CFAP99: variants seen among roughly 807,000 people sequenced by gnomAD.
CFAP99 encodes the protein cilia- and flagella-associated protein 99.
In CFAP99, 84 loss-of-function variants were observed where a neutral mutation model predicts 82.7. The observed-to-expected ratio is 1.02, with a 90% CI of 0.85 to 1.22. The LOEUF (loss-of-function observed/expected upper bound fraction) is 1.22, where lower values mean the gene tolerates loss of function less well. Among genes scored for constraint, CFAP99 ranks in the 50% most tolerant of loss-of-function variants. The probability of loss-of-function intolerance (pLI) is 0.00; values close to 1 mark genes in which losing one functional copy is unlikely to be tolerated. For missense variants in CFAP99, 1,059 were observed against 983.5 expected (o/e 1.08, Z -1.03); for synonymous variants, 456 against 429.5 (o/e 1.06, Z -0.76).
At chr4:2,427,036 C>T (rs1367507461) in intron 2 of CFAP99, 2 of 189,598 alleles carry the variant, frequency 1.1e-5, no homozygotes, top group Non-Finnish European at 2.2e-5. Context: ...ACTGGGTCTC[C>T]GACAGAGGCA....
intron 4 of CFAP99, among the ~76,000 whole-genome samples, chr4:2,438,387 C>T (rs149958123): frequency 4.6e-5 from 7 of 152,138 alleles, no homozygotes; most frequent in African/African-American, 7.2e-5. Flanking sequence ...CTCAGCCTCC[C>T]GAGTAGCTGG....
chr4:2,436,565 G>A (rs2108718817), intron 2 of CFAP99, among the ~76,000 whole-genome samples: 1 of 152,310 alleles, frequency 6.6e-6, no homozygotes, highest in South Asian at 2.1e-4. Context: ...TCTCTGCTCT[G>A]CCTGGATGCG....
chr4:2,443,334 C>T (rs1734094953), intron 5 of CFAP99, 92 bp downstream of exon 5: 1 of 755,650 alleles, frequency 1.3e-6, no homozygotes, highest in East Asian at 2.7e-5. Context: ...CGTTCCCCTT[C>T]CTGCTCCCAG....
intron 5 of CFAP99, among the ~76,000 whole-genome samples, chr4:2,443,742 G>T (rs558240813): frequency 9.1e-4 from 139 of 152,292 alleles, no homozygotes; most frequent in African/African-American, 3.0e-3. Flanking sequence ...ATCTCTCGGG[G>T]TCCCCAAGCC....
Position 2,452,339 on chromosome 4 carries a change from AG to A in CFAP99, c.1156del (p.Glu386SerfsTer6). The A allele has an allele frequency of 6.5e-7, 1 of 1,534,318 alleles. No individual in the cohort carries two copies. The highest frequency in any genetic ancestry group is 1.4e-5 in the African/African-American group (1 of 73,048). ...AACAAGCAGAGGGTGGAGCAGCAGA[AG>A]GAGCAGGTGGGTGCCATGCAGGGCA... On this transcript the variant is annotated frameshift_variant, in exon 11 of 15. Coordinates refer to ENST00000635017, the Ensembl canonical transcript of CFAP99. LOFTEE classifies it high-confidence loss of function.
At chr4:2,460,066 G>T in exon 14 of CFAP99, 1 of 1,536,040 alleles carries the variant, frequency 6.5e-7, no homozygotes, top group Non-Finnish European at 8.7e-7. Flanking sequence ...AAGGAGAGAT[G>T]TCCATAGTGG....
In CFAP99 at chr4:2,421,559, G is replaced by A. The variant is rs182038148; in HGVS notation, c.-18+2466G>A. ...AGTAGAGATGGGTTTTCACCATGTT[G>A]ACTGGTCTGGAACTCCTGATCTCAA... On this transcript the variant is annotated intron_variant, in intron 1 of 14. Transcript: ENST00000635017. Among the ~76,000 whole-genome samples, 674 of 152,024 alleles carry A rather than the reference G, an allele frequency of 4.4e-3. 3 individuals are homozygous for A. Among genetic ancestry groups the A allele is most frequent in the Middle Eastern group, 0.024 (7 of 294 alleles).
intron 5 of CFAP99, among the ~76,000 whole-genome samples, chr4:2,443,717 TTCTGGGGTCTAGATATC>T (rs1336342373): frequency 6.6e-6 from 1 of 152,100 alleles, no homozygotes; most frequent in Admixed American, 6.5e-5. Context: ...TCCTGGTGGA[TTCTGGGGTCTAGATATC>T]TCTCGGGGTC....
chr4:2,452,101 G>A lies in CFAP99; in HGVS notation c.957-41G>A, dbSNP rs183315588. ...GTGACCACCCAGCAGCCTCTGTCAC[G>A]GGAGAAACCCCAAGCTGTGCTTCTG... On this transcript the variant is annotated intron_variant, in intron 10 of 14. Coordinates refer to ENST00000635017, the Ensembl canonical transcript of CFAP99. 3,570 of 1,528,680 alleles carry A rather than the reference G, an allele frequency of 2.3e-3. 10 individuals carry two copies. The highest frequency in any genetic ancestry group is 2.8e-3 in the Non-Finnish European group (3,244 of 1,140,512). 94.7% of individuals were successfully genotyped at this position (1,528,680 alleles called of 1,614,324 possible).
At chr4:2,457,998 C>T (rs570265655) in intron 11 of CFAP99, among the ~76,000 whole-genome samples, 35 of 152,310 alleles carry the variant, frequency 2.3e-4, no homozygotes, top group African/African-American at 8.4e-4. Flanking sequence ...TACTCCCAAG[C>T]GGGAGCCTTT....
intron 4 of CFAP99, among the ~76,000 whole-genome samples, chr4:2,438,660 C>CT (rs1179241227): frequency 1.3e-5 from 2 of 152,102 alleles, no homozygotes; most frequent in Non-Finnish European, 2.9e-5. Context: ...GTCCCACCTG[C>CT]TTGGGAGGCT....
intron 11 of CFAP99, among the ~76,000 whole-genome samples, chr4:2,455,754 G>A (rs376944972): frequency 1.3e-5 from 2 of 152,222 alleles, no homozygotes; most frequent in African/African-American, 4.8e-5. Flanking sequence ...CTTCTCTACT[G>A]GTCTAAGGAT....
intron 8 of CFAP99, 194 bp downstream of exon 8, chr4:2,450,199 G>A (rs896016756): frequency 1.3e-4 from 82 of 619,044 alleles, no homozygotes; most frequent in Middle Eastern, 7.7e-4. Flanking sequence ...GCAGGCGGGT[G>A]TAGACGCGCA....
chr4:2,455,328 TTA>T (rs1210444249), intron 11 of CFAP99, among the ~76,000 whole-genome samples: 1 of 152,270 alleles, frequency 6.6e-6, no homozygotes, highest in East Asian at 1.9e-4. Flanking sequence ...AATATTCTTT[TTA>T]TGTCTTCAAA....
At position 2,446,762 on chromosome 4, in the gene CFAP99, A is replaced by C. The variant is rs1280088129; in HGVS notation, c.642+1454A>C. Among the ~76,000 whole-genome samples, 1 of 152,172 alleles carries C rather than the reference A, an allele frequency of 6.6e-6. No homozygotes were observed. The highest frequency in any genetic ancestry group is 2.4e-5 in the African/African-American group (1 of 41,438). ...CAGAACCTCAGTAAATACCAGTTGG[A>C]TGGATGGATGGGTGGATGGATTATC... On this transcript the variant is annotated intron_variant, in intron 6 of 14. Coordinates refer to ENST00000635017, the Ensembl canonical transcript of CFAP99. This position sits in a 1 kb window ranked among gnomAD's most constrained non-coding sequence, Gnocchi z 5.0.
rs1734657339 is a variant in CFAP99, at chr4:2,462,762, G to A, written c.1981G>A (p.Gly661Ser). The change falls in exon 15 of 15, where the codon GGC (glycine) becomes AGC (serine). Residue 661 changes from glycine to serine, a missense_variant. Transcript: ENST00000635017. This position sits in a 1 kb window ranked among gnomAD's most constrained non-coding sequence, Gnocchi z 4.1. ...GAGATACGCAGCGGCGGGCGCGGGA[G>A]GCGGTGGGGGCGTCCCTGCCCGCGC... The A allele has an allele frequency of 1.6e-6, 2 of 1,247,816 alleles. No homozygotes were observed. Among genetic ancestry groups the A allele is most frequent in the Non-Finnish European group, 2.0e-6 (2 of 993,240 alleles). The allele number at this position is 1,247,816 out of a possible 1,614,324, so 77.3% of individuals were successfully genotyped here. A position where few individuals can be genotyped will look rare whatever the true frequency, so the allele number is the denominator to read the frequency against.
In CFAP99 at chr4:2,459,100, C is replaced by T; in HGVS notation, c.1304-7C>T. Reference sequence around the variant, plus strand: ...CAGCCACCTCAGCTCCTGGCTTGGCCCCCAAGTTCAGGAGGCGATCGAGGA... The same window carrying T: ...CAGCCACCTCAGCTCCTGGCTTGGCTCCCAAGTTCAGGAGGCGATCGAGGA... On this transcript the variant is annotated splice_polypyrimidine_tract_variant and splice_region_variant and intron_variant, in intron 12 of 14. Transcript: ENST00000635017. 6.6e-7 allele frequency: 1 copy of T among 1,505,128 alleles called. No homozygotes were observed. Among genetic ancestry groups the T allele is most frequent in the Non-Finnish European group, 8.9e-7 (1 of 1,129,860 alleles). The allele number at this position is 1,505,128 out of a possible 1,614,324, so 93.2% of individuals were successfully genotyped here. A position where few individuals can be genotyped will look rare whatever the true frequency, so the allele number is the denominator to read the frequency against.
intron 2 of CFAP99, among the ~76,000 whole-genome samples, chr4:2,436,228 T>C (rs1472840463): frequency 6.6e-6 from 1 of 152,094 alleles, no homozygotes; most frequent in Non-Finnish European, 1.5e-5. Flanking sequence ...CACCTCGAAC[T>C]CCAGGCATGC....
chr4:2,446,338 A>T lies in CFAP99; in HGVS notation c.642+1030A>T, dbSNP rs1026224141. ...ACATCATCCATCTTATTTGTCCCATATTCTCTTTTTATTTCATTTTATTAT... is the reference window on the plus strand; with the variant it reads ...ACATCATCCATCTTATTTGTCCCATTTTCTCTTTTTATTTCATTTTATTAT... On this transcript the variant is annotated intron_variant, in intron 6 of 14. Coordinates refer to ENST00000635017, the Ensembl canonical transcript of CFAP99. The surrounding 1 kb of genome is among the most constrained non-coding windows in gnomAD (Gnocchi z 5.0). Among the ~76,000 whole-genome samples the T allele has an allele frequency of 2.0e-5, 3 of 151,660 alleles. No individual in the cohort carries two copies. The highest frequency in any genetic ancestry group is 2.0e-4 in the Admixed American group (3 of 15,224).
Sources: allele counts gnomAD v4.1 joint callset (sites outside exome capture counted in the v4.1 genomes callset), GRCh38; gene constraint gnomAD v4.1.1; non-coding constraint Gnocchi (gnomAD v3.1); transcripts MANE v1.5; gene names NCBI Gene and HGNC (gene_info 2026-07-23, HGNC 2026-07-21).